The following ARPC1A variants were observed in gnomAD, a reference collection of about 807,000 sequenced individuals.
The protein encoded by ARPC1A is actin-related protein 2/3 complex subunit 1A.
A neutral mutation model predicts 46.9 loss-of-function variants in ARPC1A; 8 were observed. The ratio of observed to expected loss-of-function variants is 0.17; its 90% CI spans 0.10 to 0.31. ARPC1A has a LOEUF of 0.31. Among genes scored for constraint, ARPC1A ranks in the 10% least tolerant of loss-of-function variants. The pLI, the probability that ARPC1A is intolerant of heterozygous loss-of-function variation, is 1.00. For missense variants in ARPC1A, 286 were observed against 483.6 expected, an observed-to-expected ratio of 0.59 and a Z score of 3.83; for synonymous variants, 152 against 169.0, an observed-to-expected ratio of 0.90 and a Z score of 0.78.
At chr7:99,363,172 T>C (rs886684246) in intron 8 of ARPC1A, among the ~76,000 whole-genome samples, 5 of 152,226 alleles carry the variant, frequency 3.3e-5, no homozygotes, top group African/African-American at 9.6e-5. Flanking sequence ...CTTCTCCCCT[T>C]GCCAGTTTTG....
intron 5 of ARPC1A, among the ~76,000 whole-genome samples, chr7:99,352,781 A>G (rs1486054160): frequency 1.3e-5 from 2 of 152,002 alleles, no homozygotes; most frequent in South Asian, 2.1e-4. Flanking sequence ...CCTGGTCAAC[A>G]TGGTGAAACC....
At chr7:99,359,079 C>A (rs1244480435) in intron 7 of ARPC1A, among the ~76,000 whole-genome samples, 1 of 150,910 alleles carries the variant, frequency 6.6e-6, no homozygotes, top group African/African-American at 2.4e-5. Flanking sequence ...GATCCGCCCA[C>A]CTTGGCCTCC....
At chr7:99,336,165 T>A (rs1056647915) in intron 2 of ARPC1A, among the ~76,000 whole-genome samples, 9 of 152,212 alleles carry the variant, frequency 5.9e-5, no homozygotes, top group African/African-American at 2.2e-4. Context: ...ATTGTCCTCA[T>A]TTAAACTACT....
chr7:99,344,175 C>T (rs1793400033), intron 3 of ARPC1A, 118 bp from the exon 4 acceptor site: 1 of 854,248 alleles, frequency 1.2e-6, no homozygotes, highest in South Asian at 1.6e-5. Flanking sequence ...AAGGATGTGC[C>T]TGGGAGGAAG....
chr7:99,326,516 T>C (rs1190115480), intron 1 of ARPC1A, among the ~76,000 whole-genome samples: 2 of 152,218 alleles, frequency 1.3e-5, no homozygotes, highest in African/African-American at 4.8e-5. Flanking sequence ...TTTCCCTGCA[T>C]GAGTACCGCC....
Position 99,344,296 on chromosome 7 carries a change from T to C in ARPC1A, c.173T>C (p.Ile58Thr). 1 of 1,613,990 alleles carries C rather than the reference T, an allele frequency of 6.2e-7. No homozygotes were observed. The highest frequency in any genetic ancestry group is 1.3e-5 in the African/African-American group (1 of 75,046). Residue 58 changes from isoleucine (I) to threonine (T), a missense_variant, in exon 4 of 10, where the codon ATT (isoleucine) becomes ACT (threonine). Transcript: ENST00000262942. ...LKEHNGHITGIDWAPKSDRIV... is the reference protein window; with the variant it reads ...LKEHNGHITGTDWAPKSDRIV... ...ATGACCCATGTCTCACTTGCAGGTA[T>C]TGACTGGGCTCCCAAGAGCGACCGC...
At chr7:99,338,703 C>G (rs186294215) in intron 3 of ARPC1A, among the ~76,000 whole-genome samples, 4 of 151,902 alleles carry the variant, frequency 2.6e-5, no homozygotes, top group African/African-American at 9.7e-5. Flanking sequence ...TAAAGTCATG[C>G]AGCACTTACT....
At chr7:99,348,745 TAAG>T in intron 4 of ARPC1A, 104 bp from the exon 5 acceptor site, 1 of 648,224 alleles carries the variant, frequency 1.5e-6, no homozygotes, top group Admixed American at 3.1e-5. Context: ...TTTTTTAAAT[TAAG>T]GAAAAGTGTG....
chr7:99,365,035 C>A (rs188823836), intron 9 of ARPC1A, among the ~76,000 whole-genome samples: 1 of 152,122 alleles, frequency 6.6e-6, no homozygotes, highest in South Asian at 2.1e-4. Context: ...AAGACACAGG[C>A]GAGCATCCTC....
At chr7:99,332,143 A>G (rs920672126) in intron 1 of ARPC1A, among the ~76,000 whole-genome samples, 1 of 152,094 alleles carries the variant, frequency 6.6e-6, no homozygotes, top group Admixed American at 6.6e-5. Flanking sequence ...TTAGATCTGA[A>G]TCTTGATTGG....
intron 1 of ARPC1A, among the ~76,000 whole-genome samples, chr7:99,330,152 G>A (rs973923082): frequency 1.1e-4 from 17 of 151,734 alleles, no homozygotes; most frequent in Non-Finnish European, 2.4e-4. Context: ...TTTGTTAGTT[G>A]TAGTTTGCTT....
At position 99,344,279 on chromosome 7, in the gene ARPC1A, T is replaced by A. The variant is rs760020257; in HGVS notation, c.170-14T>A. The A allele has an allele frequency of 6.2e-7, 1 of 1,613,440 alleles. No individual in the cohort carries two copies. Among genetic ancestry groups the A allele is most frequent in the East Asian group, 2.2e-5 (1 of 44,876 alleles). On this transcript the variant is annotated splice_polypyrimidine_tract_variant and intron_variant, in intron 3 of 9. Coordinates refer to ENST00000262942, the MANE Select transcript of ARPC1A (RefSeq NM_006409.4). ...TTGACTGGGCAAAGCAGATGACCCA[T>A]GTCTCACTTGCAGGTATTGACTGGG...
At chr7:99,348,397 T>G (rs1793495885) in intron 4 of ARPC1A, among the ~76,000 whole-genome samples, 1 of 152,198 alleles carries the variant, frequency 6.6e-6, no homozygotes, top group African/African-American at 2.4e-5. Context: ...GTTCTTTTCC[T>G]TTCTGTCCTT....
At chr7:99,327,005 G>T (rs1201481221) in intron 1 of ARPC1A, among the ~76,000 whole-genome samples, 1 of 152,128 alleles carries the variant, frequency 6.6e-6, no homozygotes, top group Non-Finnish European at 1.5e-5. Flanking sequence ...GGAACCTTCT[G>T]TCTATGTCAA....
chr7:99,358,038 G>T (rs912544616), intron 6 of ARPC1A, among the ~76,000 whole-genome samples: 2 of 152,196 alleles, frequency 1.3e-5, no homozygotes, highest in African/African-American at 4.8e-5. Context: ...AAAGTGGACC[G>T]TGGGATCATG....
chr7:99,364,813 T>G (rs1474809196), intron 9 of ARPC1A, among the ~76,000 whole-genome samples: 1 of 152,164 alleles, frequency 6.6e-6, no homozygotes, highest in Non-Finnish European at 1.5e-5. Context: ...TGCTGAGCAC[T>G]GAGAATATCC....
intron 5 of ARPC1A, 148 bp downstream of exon 5, chr7:99,349,107 G>A (rs113347691): frequency 1.3e-6 from 1 of 754,494 alleles, no homozygotes; most frequent in Non-Finnish European, 2.2e-6. Flanking sequence ...CTGGAGTGCA[G>A]TGGCACCATC....
intron 1 of ARPC1A, among the ~76,000 whole-genome samples, chr7:99,328,605 C>A (rs1793091575): frequency 6.6e-6 from 1 of 152,234 alleles, no homozygotes; most frequent in Admixed American, 6.5e-5. Flanking sequence ...GGCTTCAGAG[C>A]CCATGGCTAG....
At chr7:99,359,831 C>A in intron 8 of ARPC1A, 93 bp downstream of exon 8, 1 of 1,386,634 alleles carries the variant, frequency 7.2e-7, no homozygotes, top group Non-Finnish European at 1.0e-6. Context: ...GCTCTATGCC[C>A]CTCAGGCCCA....
Sources: allele counts gnomAD v4.1 joint callset (sites outside exome capture counted in the v4.1 genomes callset), GRCh38; gene constraint gnomAD v4.1.1; transcripts MANE v1.5; gene names NCBI Gene and HGNC (gene_info 2026-07-23, HGNC 2026-07-21).